CT47B1: variants seen among roughly 807,000 people sequenced by gnomAD.
CT47B1 encodes cancer/testis CT47 family, member 13.
CT47B1 carries 24 observed loss-of-function variants against 12.8 expected under a neutral mutation model. That is an observed-to-expected ratio of 1.87 (90% CI 1.36 to 2.63). CT47B1 has a LOEUF of 2.63. CT47B1 is among the 30% of genes most tolerant of loss of function. The pLI is 0.00. For synonymous variants in CT47B1, 228 were observed against 133.3 expected (o/e 1.71, Z -4.89); for missense variants, 523 against 271.3 (o/e 1.93, Z -6.52).
rs768857423 is a variant in CT47B1, at chrX:120,875,123, T to G, written c.548A>C (p.Glu183Ala). ...QRLGAGAAAP[E>A]GEGLGLIQEA... ...CTGGATCAGGCCGAGGCCCTCGCCTTCTGGGGCTGCAGCCCCTGCACCCAG... is the reference window on the plus strand; with the variant it reads ...CTGGATCAGGCCGAGGCCCTCGCCTGCTGGGGCTGCAGCCCCTGCACCCAG... Residue 183 changes from glutamate to alanine, a missense_variant, in exon 1 of 3, where the codon GAA (glutamate) becomes GCA (alanine). Coordinates refer to ENST00000371311, the MANE Select transcript of CT47B1 (RefSeq NM_001145718.3). The G allele has an allele frequency of 9.1e-6, 11 of 1,208,727 alleles. No individual in the cohort carries two copies. Among genetic ancestry groups the G allele is most frequent in the Admixed American group, 6.5e-5 (3 of 45,935 alleles).
In CT47B1 at chrX:120,875,448, C is replaced by T. The variant is rs1602682289; in HGVS notation, c.223G>A (p.Val75Ile). Residue 75 changes from valine (V) to isoleucine (I), a missense_variant, in exon 1 of 3, where the codon GTC becomes ATC. Val to Ile is a conservative substitution (Grantham distance 29, BLOSUM62 3). Transcript: ENST00000371311. Reference protein sequence around the residue: ...EGEQAAGLAAVPQGGSAEEDS... With the variant: ...EGEQAAGLAAIPQGGSAEEDS... ...TCCTCGGCGCTCCCGCCCTGGGGGA[C>T]TGCGGCCAGGCCTGCCGCCTGCTCA... is the stretch of plus-strand genomic sequence containing the variant. The T allele has an allele frequency of 2.5e-6, 3 of 1,207,051 alleles. No individual in the cohort carries two copies.
In CT47B1 at chrX:120,875,720, G is replaced by T; in HGVS notation, c.-50C>A. On this transcript the variant is annotated 5_prime_UTR_variant, in exon 1 of 3. Transcript: ENST00000371311. ...GTGGCGAGCGGGCTGAGGCGACCACGGTGAAGACGGTGACCACTGAGGTGG... is the reference window on the plus strand; with the variant it reads ...GTGGCGAGCGGGCTGAGGCGACCACTGTGAAGACGGTGACCACTGAGGTGG... 1 of 544,964 alleles carries T rather than the reference G, an allele frequency of 1.8e-6. No homozygotes were observed. The highest frequency in any genetic ancestry group is 2.7e-6 in the Non-Finnish European group (1 of 367,646). The allele number at this position is 544,964 out of a possible 1,213,427, so 44.9% of individuals were successfully genotyped here. A position where few individuals can be genotyped will look rare whatever the true frequency, so the allele number is the denominator to read the frequency against.
chrX:120,874,473 G>A (rs1290850993), intron 1 of CT47B1, among the ~76,000 whole-genome samples: 2 of 110,695 alleles, frequency 1.8e-5, no homozygotes, highest in African/African-American at 6.6e-5. Flanking sequence ...TCATTTGGGG[G>A]ATCAACTTTC....
intron 2 of CT47B1, 35 bp downstream of exon 2, chrX:120,873,830 A>C: frequency 1.1e-6 from 1 of 906,563 alleles, no homozygotes; most frequent in Non-Finnish European, 1.5e-6. Flanking sequence ...AATGCCAGGA[A>C]TAGTTGACTG....
chrX:120,875,309 C>G lies in CT47B1; in HGVS notation c.362G>C (p.Gly121Ala), dbSNP rs780177573. The change falls in exon 1 of 3, where the codon GGC becomes GCC. Residue 121 changes from glycine to alanine, a missense_variant. Physicochemically the swap from Gly to Ala is moderately conservative, Grantham distance 60. Transcript: ENST00000371311. Reference sequence around the variant, plus strand: ...GTGGACCAGGTACAGGAACACGAAGCCAATGCCCGCCGCCGGGTACCGACG... The same window carrying G: ...GTGGACCAGGTACAGGAACACGAAGGCAATGCCCGCCGCCGGGTACCGACG... ...ATRRYPAAGI[G>A]FVFLYLVHSL... is the part of the protein sequence containing the mutation. 246 of 1,209,862 alleles carry G rather than the reference C, an allele frequency of 2.0e-4. 2 individuals are homozygous for G. The South Asian group carries it at 2.3e-3, about 12-fold the overall frequency.
rs760028626 is a variant in CT47B1 at position 120,875,036 on chromosome X, G to A, written c.635C>T (p.Ala212Val). Residue 212 changes from alanine (A) to valine (V), a missense_variant, in exon 1 of 3, where the codon GCC becomes GTC. Transcript: ENST00000371311. Reference sequence around the variant, plus strand: ...CTCCGCGGGCTCCCTGGCCATCTCGGCCAGGTCAGCTGGCACTGCAGGCTC... The same window carrying A: ...CTCCGCGGGCTCCCTGGCCATCTCGACCAGGTCAGCTGGCACTGCAGGCTC... Reference protein sequence around the residue: ...VPEPAVPADLAEMAREPAEEA... With the variant: ...VPEPAVPADLVEMAREPAEEA... 1 of 1,209,824 alleles carries A rather than the reference G, an allele frequency of 8.3e-7. No individual in the cohort carries two copies. The highest frequency in any genetic ancestry group is 1.1e-6 in the Non-Finnish European group (1 of 894,805).
At position 120,875,451 on chromosome X, in the gene CT47B1, C is replaced by G. The variant is rs775574378; in HGVS notation, c.220G>C (p.Ala74Pro). 2 of 1,206,421 alleles carry G rather than the reference C, an allele frequency of 1.7e-6. No homozygotes were observed. The highest frequency in any genetic ancestry group is 2.2e-5 in the Admixed American group (1 of 45,980). ...EEGEQAAGLA[A>P]VPQGGSAEED... ...TCGGCGCTCCCGCCCTGGGGGACTG[C>G]GGCCAGGCCTGCCGCCTGCTCACCC... Residue 74 changes from alanine (A) to proline (P), a missense_variant, in exon 1 of 3, where the codon GCA becomes CCA. Coordinates refer to ENST00000371311, the MANE Select transcript of CT47B1 (RefSeq NM_001145718.3).
chrX:120,872,787 C>T (rs1366847787), intron 2 of CT47B1, 47 bp from the exon 3 acceptor site: 1 of 101,240 alleles, frequency 9.9e-6, no homozygotes, highest in Non-Finnish European at 2.2e-5. Context: ...CTTTTCCTCC[C>T]AACTGTGGGA....
chrX:120,874,866 C>A (rs1460511754), intron 1 of CT47B1, 30 bp downstream of exon 1: 1 of 1,205,262 alleles, frequency 8.3e-7, no homozygotes, highest in South Asian at 1.8e-5. Context: ...TGGATCCCCG[C>A]TTCCCCGCTG....
intron 2 of CT47B1, among the ~76,000 whole-genome samples, chrX:120,873,284 C>G: frequency 9.9e-6 from 1 of 100,740 alleles, no homozygotes; most frequent in African/African-American, 3.3e-5. Flanking sequence ...ACTTCATTAC[C>G]AATTCAGTGA....
Position 120,874,978 on chromosome X carries a change from G to A in CT47B1, c.693C>T (p.Ala231=), listed in dbSNP as rs769621789. The A allele has an allele frequency of 1.3e-5, 16 of 1,208,800 alleles. No homozygotes were observed. Among genetic ancestry groups the A allele is most frequent in the South Asian group, 5.3e-5 (3 of 56,829 alleles). ...CCTCCTCTGTGAGCTTCTCCTCTGCGGCCTCCTCTGGGGGTTTCTCATCTG... is the reference window on the plus strand; with the variant it reads ...CCTCCTCTGTGAGCTTCTCCTCTGCAGCCTCCTCTGGGGGTTTCTCATCTG... ...EAADEKPPEE[A]AEEKLTEEAT... is the part of the protein sequence containing the mutation. The change falls in exon 1 of 3, where the codon GCC becomes GCT. Residue 231 remains alanine (A), a synonymous_variant. Transcript: ENST00000371311.
In CT47B1 at chrX:120,875,287, G is replaced by T; in HGVS notation, c.384C>A (p.Val128=). ...AGIGFVFLYL[V]HSLLRRLYHN... The stretch of plus-strand genomic sequence containing the variant: ...GATAGAGGCGGCGGAGAAGGGAGTG[G>T]ACCAGGTACAGGAACACGAAGCCAA... Residue 128 remains valine, a synonymous_variant, in exon 1 of 3, where the codon GTC becomes GTA. Transcript: ENST00000371311. 8.3e-7 allele frequency: 1 copy of T among 1,211,422 alleles called. No homozygotes were observed. Among genetic ancestry groups the T allele is most frequent in the Non-Finnish European group, 1.1e-6 (1 of 894,914 alleles).
chrX:120,875,136 C>T lies in CT47B1; in HGVS notation c.535G>A (p.Ala179Thr). The change falls in exon 1 of 3, where the codon GCT (alanine) becomes ACT (threonine). Residue 179 changes from alanine (A) to threonine (T), a missense_variant. Coordinates refer to ENST00000371311, the MANE Select transcript of CT47B1 (RefSeq NM_001145718.3). ...LLLSQRLGAG[A>T]AAPEGEGLGL... ...AGGCCCTCGCCTTCTGGGGCTGCAG[C>T]CCCTGCACCCAGCCTCTGGGACAGC... 1 of 1,210,607 alleles carries T rather than the reference C, an allele frequency of 8.3e-7. No homozygotes were observed. The highest frequency in any genetic ancestry group is 1.1e-6 in the Non-Finnish European group (1 of 894,797).
At position 120,875,036 on chromosome X, in the gene CT47B1, G is replaced by T; in HGVS notation, c.635C>A (p.Ala212Asp). Reference sequence around the variant, plus strand: ...CTCCGCGGGCTCCCTGGCCATCTCGGCCAGGTCAGCTGGCACTGCAGGCTC... The same window carrying T: ...CTCCGCGGGCTCCCTGGCCATCTCGTCCAGGTCAGCTGGCACTGCAGGCTC... ...VPEPAVPADLAEMAREPAEEA... is the reference protein window; with the variant it reads ...VPEPAVPADLDEMAREPAEEA... Residue 212 changes from alanine (A) to aspartate (D), a missense_variant, in exon 1 of 3, where the codon GCC (alanine) becomes GAC (aspartate). Transcript: ENST00000371311. 1 of 1,209,824 alleles carries T rather than the reference G, an allele frequency of 8.3e-7. No individual in the cohort carries two copies. Among genetic ancestry groups the T allele is most frequent in the Non-Finnish European group, 1.1e-6 (1 of 894,805 alleles).
chrX:120,874,858 G>A, intron 1 of CT47B1, 38 bp downstream of exon 1: 3 of 1,202,148 alleles, frequency 2.5e-6, no homozygotes, highest in South Asian at 1.8e-5. Flanking sequence ...TGGACACATG[G>A]ATCCCCGCTT....
chrX:120,874,928 T>A lies in CT47B1; in HGVS notation c.743A>T (p.Glu248Val). 1 of 1,209,923 alleles carries A rather than the reference T, an allele frequency of 8.3e-7. No homozygotes were observed. Among genetic ancestry groups the A allele is most frequent in the Non-Finnish European group, 1.1e-6 (1 of 894,713 alleles). The change falls in exon 1 of 3, where the codon GAA (glutamate) becomes GTA (valine). Residue 248 changes from glutamate to valine, a missense_variant. Glu to Val is a moderately radical substitution (Grantham distance 121). Coordinates refer to ENST00000371311, the MANE Select transcript of CT47B1 (RefSeq NM_001145718.3). ...EEATEEPAAE[E>V]PTSEEAVAPE... ...GGCCACGGCCTCCTCTGAGGTCGGTTCCTCTGCGGCCGGTTCCTCTGTGGC... is the reference window on the plus strand; with the variant it reads ...GGCCACGGCCTCCTCTGAGGTCGGTACCTCTGCGGCCGGTTCCTCTGTGGC...
rs200177933 is a variant in CT47B1, at chrX:120,875,362, C to T, written c.309G>A (p.Ala103=). The T allele has an allele frequency of 1.1e-3, 1,379 of 1,208,315 alleles. 5 individuals carry two copies. Among genetic ancestry groups the T allele is most frequent in the Non-Finnish European group, 9.4e-4 (841 of 893,735 alleles). The change falls in exon 1 of 3, where the codon GCG becomes GCA. Residue 103 remains alanine, a synonymous_variant. Coordinates refer to ENST00000371311, the MANE Select transcript of CT47B1 (RefSeq NM_001145718.3). ...EEEEEEEGNE[A]ANFDLAVATR... is the part of the protein sequence containing the mutation. ...TGGCCACCGCCAAGTCGAAGTTGGC[C>T]GCCTCGTTCCCCTCTTCCTCCTCCT...
Position 120,875,178 on chromosome X carries a change from T to A in CT47B1, c.493A>T (p.Asn165Tyr). Reference protein sequence around the residue: ...PHAAVPNLWDNPPLLLLSQRL... With the variant: ...PHAAVPNLWDYPPLLLLSQRL... ...TGGGACAGCAGCAGCAGGGGAGGGT[T>A]GTCCCAGAGGTTGGGCACAGCAGCG... The change falls in exon 1 of 3, where the codon AAC (asparagine) becomes TAC (tyrosine). Residue 165 changes from asparagine (N) to tyrosine (Y), a missense_variant. Physicochemically the swap from Asn to Tyr is moderately radical, Grantham distance 143. Coordinates refer to ENST00000371311, the MANE Select transcript of CT47B1 (RefSeq NM_001145718.3). 2.5e-6 allele frequency: 3 copies of A among 1,211,058 alleles called. No individual in the cohort carries two copies. The highest frequency in any genetic ancestry group is 3.0e-5 in the East Asian group (1 of 33,821).
At chrX:120,874,793 C>T in intron 1 of CT47B1, 103 bp downstream of exon 1, 1 of 1,130,151 alleles carries the variant, frequency 8.8e-7, no homozygotes, top group African/African-American at 1.8e-5. Context: ...CCCCGACCCC[C>T]CTTCACCACC....
Sources: gnomAD v4.1 joint callset for allele counts (sites outside exome capture counted in the v4.1 genomes callset) on GRCh38, gnomAD v4.1.1 for gene constraint, MANE v1.5 for transcripts, NCBI Gene and HGNC (gene_info 2026-07-23, HGNC 2026-07-21) for gene names.